TTC28: variants seen among roughly 807,000 people sequenced by gnomAD.
TTC28 encodes tetratricopeptide repeat protein 28.
In TTC28, 61 loss-of-function variants were observed where a neutral mutation model predicts 198.0. The observed-to-expected ratio is 0.31, with a 90% CI of 0.25 to 0.38. The LOEUF is 0.38. Ranked by LOEUF, TTC28 falls within the 10% of genes least tolerant of loss-of-function variation. The pLI, the probability that TTC28 is intolerant of heterozygous loss-of-function variation, is 1.00. For synonymous variants in TTC28, 1,171 were observed against 1,297.8 expected (o/e 0.90, Z 2.10); for missense variants, 2,678 against 3,164.0 (o/e 0.85, Z 3.69).
intron 6 of TTC28, among the ~76,000 whole-genome samples, chr22:28,157,754 G>A (rs1443913185): frequency 6.6e-6 from 1 of 152,036 alleles, no homozygotes; most frequent in South Asian, 2.1e-4. Flanking sequence ...GGATATAGAA[G>A]GAATATACCT....
chr22:28,566,359 A>T (rs899016928), intron 2 of TTC28, among the ~76,000 whole-genome samples: 6 of 152,184 alleles, frequency 3.9e-5, no homozygotes, highest in African/African-American at 1.4e-4. Flanking sequence ...GAAAGGGAGG[A>T]TACCCGAAAG....
chr22:28,629,465 C>T, intron 2 of TTC28, 87 bp downstream of exon 2: 1 of 1,306,582 alleles, frequency 7.7e-7, no homozygotes, highest in Non-Finnish European at 1.0e-6. Context: ...TTAGTAAGTA[C>T]ACTAAATCAA....
At chr22:28,529,181 C>T (rs977038596) in intron 2 of TTC28, among the ~76,000 whole-genome samples, 9 of 152,128 alleles carry the variant, frequency 5.9e-5, no homozygotes, top group East Asian at 1.9e-4. Flanking sequence ...CATGACAGAC[C>T]GTACCTGGAA....
At chr22:28,337,520 G>T (rs915940525) in intron 2 of TTC28, among the ~76,000 whole-genome samples, 7 of 152,142 alleles carry the variant, frequency 4.6e-5, no homozygotes, top group African/African-American at 1.7e-4. Context: ...GAATCTGGGA[G>T]CTTCTGTATT....
chr22:28,426,447 C>T (rs2047352073), intron 2 of TTC28, among the ~76,000 whole-genome samples: 1 of 152,044 alleles, frequency 6.6e-6, no homozygotes, highest in Admixed American at 6.6e-5. Flanking sequence ...CTGAATCTAT[C>T]TTTATATAGT....
intron 2 of TTC28, among the ~76,000 whole-genome samples, chr22:28,543,816 T>C (rs2049473182): frequency 6.6e-6 from 1 of 152,202 alleles, no homozygotes; most frequent in South Asian, 2.1e-4. Context: ...CCAGTATCTT[T>C]AATGAACACA....
intron 12 of TTC28, among the ~76,000 whole-genome samples, chr22:28,038,303 A>G (rs1394139366): frequency 1.3e-5 from 2 of 152,232 alleles, no homozygotes; most frequent in South Asian, 2.1e-4. Flanking sequence ...ACAGCATGGT[A>G]CTGGTACCAA....
At chr22:28,247,527 G>A (rs1601527681) in intron 5 of TTC28, among the ~76,000 whole-genome samples, 2 of 152,124 alleles carry the variant, frequency 1.3e-5, no homozygotes, top group African/African-American at 2.4e-5. Flanking sequence ...AGACAGAGAT[G>A]GAAACAGATT....
intron 2 of TTC28, among the ~76,000 whole-genome samples, chr22:28,363,538 G>A (rs2046193033): frequency 6.6e-6 from 1 of 152,154 alleles, no homozygotes; most frequent in Non-Finnish European, 1.5e-5. Context: ...CCGCCTAGTG[G>A]AGCTGTGAAA....
At chr22:28,100,694 C>T (rs1942116727) in intron 9 of TTC28, among the ~76,000 whole-genome samples, 1 of 152,168 alleles carries the variant, frequency 6.6e-6, no homozygotes, top group Non-Finnish European at 1.5e-5. Flanking sequence ...CATCTCACTA[C>T]TACTCCAACC....
intron 1 of TTC28, among the ~76,000 whole-genome samples, chr22:28,653,238 T>C (rs939263260): frequency 6.6e-6 from 1 of 152,204 alleles, no homozygotes; most frequent in Non-Finnish European, 1.5e-5. Flanking sequence ...GCATGGTGGC[T>C]CATGCCTGTA....
chr22:28,384,034 A>G (rs2046535642), intron 2 of TTC28, among the ~76,000 whole-genome samples: 1 of 152,190 alleles, frequency 6.6e-6, no homozygotes, highest in African/African-American at 2.4e-5. Context: ...CTCTGTGAGC[A>G]GAGTAAGCAC....
At chr22:28,327,016 A>G (rs1451660832) in intron 2 of TTC28, among the ~76,000 whole-genome samples, 1 of 146,094 alleles carries the variant, frequency 6.8e-6, no homozygotes, top group Non-Finnish European at 1.5e-5. Context: ...ACACACACAC[A>G]GCAAGCCCTA....
At chr22:28,099,492 TTTC>T (rs1188331420) in intron 9 of TTC28, among the ~76,000 whole-genome samples, 1 of 152,174 alleles carries the variant, frequency 6.6e-6, no homozygotes. Flanking sequence ...CTCGAGTGTT[TTTC>T]CAGCTACCTG....
At position 28,325,114 on chromosome 22, in the gene TTC28, T is replaced by C. The variant is rs1053669378; in HGVS notation, c.382-18471A>G. Among the ~76,000 whole-genome samples the C allele has an allele frequency of 5.1e-4, 77 of 151,530 alleles. 1 individual carries two copies. Among genetic ancestry groups the C allele is most frequent in the Non-Finnish European group, 1.0e-3 (68 of 67,824 alleles). On this transcript the variant is annotated intron_variant, in intron 2 of 22. Coordinates refer to ENST00000397906, the MANE Select transcript of TTC28 (RefSeq NM_001145418.2). Reference sequence around the variant, plus strand: ...TGAATCCGTCTGGTCCTGGACTTTTTTTGGTTGGTAAGCTATTAATTATTG... The same window carrying C: ...TGAATCCGTCTGGTCCTGGACTTTTCTTGGTTGGTAAGCTATTAATTATTG...
chr22:28,066,567 T>G (rs1940763550), intron 12 of TTC28, among the ~76,000 whole-genome samples: 1 of 152,148 alleles, frequency 6.6e-6, no homozygotes, highest in Non-Finnish European at 1.5e-5. Context: ...ACATATGAGC[T>G]CATACAGTAT....
At chr22:28,330,392 G>A (rs1452025030) in intron 2 of TTC28, among the ~76,000 whole-genome samples, 1 of 152,144 alleles carries the variant, frequency 6.6e-6, no homozygotes, top group Non-Finnish European at 1.5e-5. Flanking sequence ...TGGCTGAACA[G>A]CTCCAGATTT....
At chr22:28,478,014 C>A (rs1018058845) in intron 2 of TTC28, among the ~76,000 whole-genome samples, 10 of 152,174 alleles carry the variant, frequency 6.6e-5, no homozygotes, top group Admixed American at 6.5e-4. Context: ...AACTGGACCA[C>A]CCAGCTGACC....
At position 28,261,215 on chromosome 22, in the gene TTC28, A is replaced by G. The variant is rs142319184; in HGVS notation, c.933+34983T>C. Among the ~76,000 whole-genome samples the G allele has an allele frequency of 5.2e-3, 790 of 152,288 alleles. 9 individuals carry two copies. Among genetic ancestry groups the G allele is most frequent in the African/African-American group, 0.018 (759 of 41,570 alleles). On this transcript the variant is annotated intron_variant, in intron 5 of 22. Coordinates refer to ENST00000397906, the MANE Select transcript of TTC28 (RefSeq NM_001145418.2). ...ACAGTATTCTAGGTTCTGGGTATAT[A>G]ACATAGAACTAAATACATAAAAAAG...
Sources: gnomAD v4.1 joint callset for allele counts (sites outside exome capture counted in the v4.1 genomes callset) on GRCh38, gnomAD v4.1.1 for gene constraint, MANE v1.5 for transcripts, NCBI Gene and HGNC (gene_info 2026-07-23, HGNC 2026-07-21) for gene names.